The following DTNB variants were observed in gnomAD, a reference collection of about 807,000 sequenced individuals.
DTNB encodes DTN-B.
In DTNB, 63 loss-of-function variants were observed where a neutral mutation model predicts 90.7. That is an observed-to-expected ratio of 0.69 (90% CI 0.57 to 0.86). The LOEUF is 0.86. Ranked by LOEUF, DTNB falls within the 40% of genes least tolerant of loss-of-function variation. The pLI is 0.00. For missense variants in DTNB, 744 were observed against 807.1 expected, an observed-to-expected ratio of 0.92 and a Z score of 0.95; for synonymous variants, 277 against 286.7, an observed-to-expected ratio of 0.97 and a Z score of 0.34.
chr2:25,599,364 C>T (rs1056543853), intron 5 of DTNB, among the ~76,000 whole-genome samples: 5 of 149,412 alleles, frequency 3.3e-5, no homozygotes, highest in South Asian at 4.2e-4. Flanking sequence ...TTTTTTTAGA[C>T]GGGGTCTCAC....
chr2:25,652,218 C>G (rs562736335), intron 2 of DTNB, among the ~76,000 whole-genome samples: 3 of 152,322 alleles, frequency 2.0e-5, no homozygotes, highest in East Asian at 3.9e-4. Flanking sequence ...TGAGTCCTCT[C>G]TGTCTCAGAA....
rs192876238 is a variant in DTNB at position 25,647,330 on chromosome 2, C to T, written c.67+5264G>A. 2.2e-4 allele frequency among the ~76,000 whole-genome samples: 33 copies of T among 152,284 alleles called. 1 individual carries two copies. The East Asian group carries it at 5.8e-3, about 27-fold the overall frequency. On this transcript the variant is annotated intron_variant, in intron 2 of 20. Coordinates refer to ENST00000406818, the MANE Select transcript of DTNB (RefSeq NM_021907.5). ...TCTTGATCAAAGCAGAAATATTTAA[C>T]ATCTTTCAGTGATTAAGATCAAGCA...
chr2:25,624,784 G>A (rs1016446686), intron 4 of DTNB, among the ~76,000 whole-genome samples: 8 of 152,192 alleles, frequency 5.3e-5, no homozygotes, highest in African/African-American at 1.9e-4. Context: ...AAGCACCTTT[G>A]TTGTACCTTT....
intron 16 of DTNB, among the ~76,000 whole-genome samples, chr2:25,406,140 G>A (rs1406878864): frequency 6.6e-6 from 1 of 152,052 alleles, no homozygotes; most frequent in South Asian, 2.1e-4. Context: ...CCACCCTTCC[G>A]ATAGCCAAAC....
At chr2:25,606,974 A>G (rs943853722) in intron 5 of DTNB, among the ~76,000 whole-genome samples, 2 of 152,218 alleles carry the variant, frequency 1.3e-5, no homozygotes, top group Non-Finnish European at 1.5e-5. Flanking sequence ...CATTTCTAAA[A>G]TAAGTTTTTA....
At chr2:25,388,805 C>CATGTGTGT (rs142180356) in intron 16 of DTNB, among the ~76,000 whole-genome samples, 1 of 149,142 alleles carries the variant, frequency 6.7e-6, no homozygotes, top group African/African-American at 2.5e-5. Context: ...AAAGGACATA[C>CATGTGTGT]GTGTGTGTGT....
intron 14 of DTNB, among the ~76,000 whole-genome samples, chr2:25,429,405 T>C (rs2053093092): frequency 6.6e-6 from 1 of 152,282 alleles, no homozygotes; most frequent in Non-Finnish European, 1.5e-5. Context: ...CTTATGCCCT[T>C]TGTGTCTGGA....
At chr2:25,493,579 C>T (rs1013691062) in intron 9 of DTNB, among the ~76,000 whole-genome samples, 6 of 152,186 alleles carry the variant, frequency 3.9e-5, no homozygotes, top group Non-Finnish European at 8.8e-5. Flanking sequence ...CTGGAATGTC[C>T]TTCATAGATT....
chr2:25,411,284 G>T (rs941477175), intron 16 of DTNB, among the ~76,000 whole-genome samples: 2 of 151,788 alleles, frequency 1.3e-5, no homozygotes, highest in Non-Finnish European at 2.9e-5. Flanking sequence ...ACTTGAACCC[G>T]GGATGCAGAG....
intron 10 of DTNB, among the ~76,000 whole-genome samples, chr2:25,461,228 C>G (rs2060902086): frequency 6.6e-6 from 1 of 152,098 alleles, no homozygotes; most frequent in South Asian, 2.1e-4. Context: ...TATTCAGAAC[C>G]AGTATTGTTT....
intron 16 of DTNB, among the ~76,000 whole-genome samples, chr2:25,408,311 A>G (rs2045747753): frequency 6.9e-6 from 1 of 145,038 alleles, no homozygotes; most frequent in Non-Finnish European, 1.5e-5. Context: ...CTCTGTCTCC[A>G]AAAAAAAAAA....
intron 12 of DTNB, among the ~76,000 whole-genome samples, chr2:25,437,348 G>A (rs1274801964): frequency 6.6e-6 from 1 of 151,034 alleles, no homozygotes; most frequent in Admixed American, 6.6e-5. Flanking sequence ...TGCAGCCTCC[G>A]CCTCCTGGGT....
chr2:25,630,083 T>C (rs2075339194), intron 3 of DTNB, among the ~76,000 whole-genome samples: 1 of 152,140 alleles, frequency 6.6e-6, no homozygotes, highest in Admixed American at 6.5e-5. Context: ...ATAATTTAAA[T>C]AGATATTTAT....
intron 8 of DTNB, among the ~76,000 whole-genome samples, chr2:25,556,245 C>T (rs978945093): frequency 4.4e-5 from 6 of 137,358 alleles, no homozygotes; most frequent in African/African-American, 1.7e-4. Context: ...TACAAAAATC[C>T]TAGTATACTT....
chr2:25,515,138 C>T (rs537754879), intron 9 of DTNB, among the ~76,000 whole-genome samples: 2 of 151,320 alleles, frequency 1.3e-5, no homozygotes, highest in Admixed American at 6.6e-5. Context: ...TCAATGCAAA[C>T]ACAGAAGGCA....
chr2:25,383,757 C>T, intron 19 of DTNB, 79 bp downstream of exon 19: 1 of 1,612,938 alleles, frequency 6.2e-7, no homozygotes, highest in Non-Finnish European at 8.5e-7. Flanking sequence ...GGGAGGAATG[C>T]AGAAACAAAG....
intron 15 of DTNB, among the ~76,000 whole-genome samples, chr2:25,427,180 A>AAC (rs3041256): frequency 0.23 from 31,795 of 139,354 alleles, 3,636 homozygotes; most frequent in East Asian, 0.42. Context: ...TCCATCTCAA[A>AAC]ACACACACAC....
In DTNB at chr2:25,456,862, C is replaced by T. The variant is rs189145439; in HGVS notation, c.1080-1368G>A. On this transcript the variant is annotated intron_variant, in intron 10 of 20. Coordinates refer to ENST00000406818, the MANE Select transcript of DTNB (RefSeq NM_021907.5). ...GGATTACAGGTGTGAGCCACTGCGCCCGGCCCCAGTCACCTTTCTGAAGCT... is the reference window on the plus strand; with the variant it reads ...GGATTACAGGTGTGAGCCACTGCGCTCGGCCCCAGTCACCTTTCTGAAGCT... Among the ~76,000 whole-genome samples, 262 of 152,146 alleles carry T rather than the reference C, an allele frequency of 1.7e-3. 1 individual carries two copies. Among genetic ancestry groups the T allele is most frequent in the African/African-American group, 6.0e-3 (250 of 41,506 alleles).
intron 16 of DTNB, chr2:25,399,458 C>T (rs1029469751): frequency 1.3e-5 from 2 of 150,996 alleles, no homozygotes; most frequent in Non-Finnish European, 2.9e-5. Context: ...ATTCTCGTGC[C>T]TCAGCTTCCT....
Sources: allele counts gnomAD v4.1 joint callset (sites outside exome capture counted in the v4.1 genomes callset), GRCh38; gene constraint gnomAD v4.1.1; transcripts MANE v1.5; gene names NCBI Gene and HGNC (gene_info 2026-07-23, HGNC 2026-07-21).